The following MS4A18 variants were observed in gnomAD, a reference collection of about 807,000 sequenced individuals.
MS4A18 encodes the protein membrane spanning 4-domains A18.
In MS4A18, 27 loss-of-function variants were observed where a neutral mutation model predicts 13.1. The ratio of observed to expected loss-of-function variants is 2.06; its 90% CI spans 1.52 to 2.84. MS4A18 has a LOEUF of 2.84. Ranked by LOEUF, MS4A18 falls within the 30% of genes most tolerant of loss-of-function variation. The pLI is 0.00. For synonymous variants in MS4A18, 126 were observed against 76.5 expected (o/e 1.65, Z -3.38); for missense variants, 307 against 196.4 (o/e 1.56, Z -3.37).
upstream of MS4A18, among the ~76,000 whole-genome samples, chr11:60,726,134 G>A (rs1464416643): frequency 6.6e-6 from 1 of 152,204 alleles, no homozygotes. Context: ...ATCTATTCCT[G>A]TGGGTTGCAT....
At chr11:60,736,900 C>A (rs1019708851) in intron 2 of MS4A18, 78 bp from the exon 4 acceptor site, 1 of 672,680 alleles carries the variant, frequency 1.5e-6, no homozygotes, top group East Asian at 2.7e-5. Flanking sequence ...TTGAGAAATG[C>A]GTCTCTGAGT....
At chr11:60,726,722 A>C (rs1014926779), upstream of MS4A18, among the ~76,000 whole-genome samples, 15 of 121,668 alleles carry the variant, frequency 1.2e-4, no homozygotes, top group African/African-American at 4.3e-4. Context: ...TAACACTTTT[A>C]TTTTATTTTA....
chr11:60,739,844 G>A (rs910257760), intron 4 of MS4A18, among the ~76,000 whole-genome samples: 7 of 152,328 alleles, frequency 4.6e-5, no homozygotes, highest in East Asian at 1.9e-4. Flanking sequence ...GAACAAGATC[G>A]AGAGTAGCTA....
At chr11:60,743,246 A>G (rs372981324) in intron 5 of MS4A18, among the ~76,000 whole-genome samples, 2 of 152,258 alleles carry the variant, frequency 1.3e-5, no homozygotes, top group African/African-American at 2.4e-5. Flanking sequence ...TCTGCTGGGC[A>G]GTTCTTCTGA....
In MS4A18 at chr11:60,743,860, A is replaced by AGC; in HGVS notation, c.1069_1070insGC (p.Asn357SerfsTer10). The AGC allele has an allele frequency of 1.4e-6, 1 of 702,966 alleles. No individual in the cohort carries two copies. The highest frequency in any genetic ancestry group is 1.5e-5 in the South Asian group (1 of 67,434). The allele number at this position is 702,966 out of a possible 1,614,324, so 43.5% of individuals were successfully genotyped here. On this transcript the variant is annotated frameshift_variant, in exon 6 of 6. Coordinates refer to ENST00000529108, the Ensembl canonical transcript of MS4A18. LOFTEE classifies it low-confidence loss of function (END_TRUNC). ...TGTCAATGTTACCACTGGTCCTGTC[A>AGC]ATGCTAACATTGGCCCTGTCAATGT...
At chr11:60,740,692 T>G (rs2134681623) in intron 4 of MS4A18, among the ~76,000 whole-genome samples, 1 of 152,274 alleles carries the variant, frequency 6.6e-6, no homozygotes, top group South Asian at 2.1e-4. Flanking sequence ...CTGGGGTATT[T>G]ATACACCAGC....
At chr11:60,735,216 C>A (rs940718364) in intron 2 of MS4A18, among the ~76,000 whole-genome samples, 5 of 152,196 alleles carry the variant, frequency 3.3e-5, no homozygotes, top group Non-Finnish European at 7.3e-5. Context: ...TGAACACCTA[C>A]GTGTCCACCA....
intron 5 of MS4A18, 47 bp from the exon 7 acceptor site, chr11:60,743,603 T>A: frequency 1.5e-6 from 1 of 682,394 alleles, no homozygotes; most frequent in Non-Finnish European, 2.7e-6. Context: ...CCATTGTTGT[T>A]GTTTACTACA....
upstream of MS4A18, among the ~76,000 whole-genome samples, chr11:60,727,186 A>G (rs1853174294): frequency 6.6e-6 from 1 of 152,152 alleles, no homozygotes; most frequent in Non-Finnish European, 1.5e-5. Context: ...GTTGGTTCCA[A>G]GACTTTGCTA....
chr11:60,737,411 TC>T (rs1439831392), intron 3 of MS4A18, among the ~76,000 whole-genome samples: 3 of 152,212 alleles, frequency 2.0e-5, no homozygotes, highest in Admixed American at 2.0e-4. Context: ...TTATGGGTGC[TC>T]TGAATTAAGC....
rs1315608283 is a variant in MS4A18, at chr11:60,733,540, C to T, written c.484C>T (p.Gln162Ter). Residue 162 changes from glutamine to a stop codon, truncating the protein, a stop_gained, in exon 2 of 6, where the codon CAG (glutamine) becomes TAG (stop). Coordinates refer to ENST00000529108, the Ensembl canonical transcript of MS4A18. LOFTEE classifies it high-confidence loss of function. ...TGACTTGTTCTCCCTGCAGGCCATC[C>T]AGATCCTCATCGGCCTGACGCACAT... is the stretch of plus-strand genomic sequence containing the variant. 8.5e-6 allele frequency: 6 copies of T among 703,296 alleles called. No individual in the cohort carries two copies. Among genetic ancestry groups the T allele is most frequent in the Non-Finnish European group, 1.0e-5 (4 of 385,054 alleles). 43.6% of individuals were successfully genotyped at this position (703,296 alleles called of 1,614,324 possible).
intron 3 of MS4A18, among the ~76,000 whole-genome samples, chr11:60,737,338 T>C (rs569369499): frequency 1.3e-5 from 2 of 152,362 alleles, no homozygotes; most frequent in African/African-American, 4.8e-5. Flanking sequence ...TTTTTAACTA[T>C]TGCATTTTAC....
chr11:60,729,408 T>C (rs1463111378), exon 1 of MS4A18: 1 of 702,816 alleles, frequency 1.4e-6, no homozygotes, highest in Non-Finnish European at 2.6e-6. Flanking sequence ...CTGTGGCCTC[T>C]GGAAATCATC....
chr11:60,740,993 G>GT lies in MS4A18; in HGVS notation c.745-37_745-36insT, dbSNP rs1565062087. On this transcript the variant is annotated intron_variant, in intron 4 of 5. Coordinates refer to ENST00000529108, the Ensembl canonical transcript of MS4A18. ...GGACTGTCACCTAGGCCATCAACCTGAAGGACTAAATGCCTTCCATTTCTC... is the reference window on the plus strand; with the variant it reads ...GGACTGTCACCTAGGCCATCAACCTGTAAGGACTAAATGCCTTCCATTTCTC... 5 of 702,924 alleles carry GT rather than the reference G, an allele frequency of 7.1e-6. No homozygotes were observed. In the South Asian group the frequency reaches 7.4e-5, roughly 10 times the overall value. 43.5% of individuals were successfully genotyped at this position (702,924 alleles called of 1,614,324 possible). A position where few individuals can be genotyped will look rare whatever the true frequency, so the allele number is the denominator to read the frequency against.
chr11:60,729,191 C>A, upstream of MS4A18: 1 of 611,086 alleles, frequency 1.6e-6, no homozygotes, highest in Admixed American at 2.8e-5. Flanking sequence ...TTGTCTGGTA[C>A]CATGCTAGGT....
chr11:60,729,172 A>C, upstream of MS4A18: 1 of 601,584 alleles, frequency 1.7e-6, no homozygotes, highest in Non-Finnish European at 3.0e-6. Context: ...GAAAGGCAAG[A>C]AGTTTATTTT....
chr11:60,727,921 T>C (rs1392737822), upstream of MS4A18, among the ~76,000 whole-genome samples: 1 of 152,144 alleles, frequency 6.6e-6, no homozygotes, highest in Non-Finnish European at 1.5e-5. Flanking sequence ...ATCGGGACAA[T>C]ATCCCAGGTC....
chr11:60,737,004 A>G (rs1853352268), exon 3 of MS4A18: 1 of 693,424 alleles, frequency 1.4e-6, no homozygotes, highest in Non-Finnish European at 2.6e-6. Context: ...CCCTCTCAGT[A>G]TGGGCTGCAA....
At chr11:60,725,419 C>T (rs142065521), upstream of MS4A18, among the ~76,000 whole-genome samples, 2,639 of 152,232 alleles carry the variant, frequency 0.017, 62 homozygotes, top group African/African-American at 0.053. Context: ...TGGTCTCGAT[C>T]TCCTGACCTC....
Sources: allele counts gnomAD v4.1 joint callset (sites outside exome capture counted in the v4.1 genomes callset), GRCh38; gene constraint gnomAD v4.1.1; transcripts MANE v1.5; gene names NCBI Gene and HGNC (gene_info 2026-07-23, HGNC 2026-07-21).